Variants in LEPR observed in about 807,000 individuals in gnomAD.
LEPR encodes OB receptor.
In LEPR, 56 loss-of-function variants were observed where a neutral mutation model predicts 114.7. That is an observed-to-expected ratio of 0.49 (90% confidence interval 0.39 to 0.61). The LOEUF (loss-of-function observed/expected upper bound fraction) is 0.61. LEPR is among the 20% of genes least tolerant of loss of function. LEPR has a pLI of 0.00. For synonymous variants in LEPR, 443 were observed against 461.4 expected, an observed-to-expected ratio of 0.96 and a Z score of 0.51; for missense variants, 1,202 against 1,352.9, an observed-to-expected ratio of 0.89 and a Z score of 1.75.
chr1:65,532,975 A>G (rs1650507895), intron 2 of LEPR, among the ~76,000 whole-genome samples: 1 of 152,222 alleles, frequency 6.6e-6, no homozygotes, highest in South Asian at 2.1e-4. Flanking sequence ...AAAAGAGTGA[A>G]CTTTATGATA....
At chr1:65,525,023 G>T (rs1649828579) in intron 2 of LEPR, among the ~76,000 whole-genome samples, 2 of 152,168 alleles carry the variant, frequency 1.3e-5, no homozygotes, top group South Asian at 4.1e-4. Flanking sequence ...TGAATTTCAG[G>T]ATTGAAAGAG....
At chr1:65,526,395 T>C (rs1649975812) in intron 2 of LEPR, 1 of 985,214 alleles carries the variant, frequency 1.0e-6, no homozygotes, top group African/African-American at 1.7e-5. Flanking sequence ...AGATTTGTAG[T>C]GGTGAGAAAA....
At chr1:65,515,979 T>C (rs1383192658) in intron 2 of LEPR, among the ~76,000 whole-genome samples, 1 of 152,266 alleles carries the variant, frequency 6.6e-6, no homozygotes, top group African/African-American at 2.4e-5. Context: ...ATTTCCTTTC[T>C]AAAATTTTAA....
chr1:65,501,603 G>A (rs931518911), intron 2 of LEPR, among the ~76,000 whole-genome samples: 9 of 151,860 alleles, frequency 5.9e-5, no homozygotes, highest in Non-Finnish European at 1.0e-4. Flanking sequence ...TAGGGGTTAG[G>A]ACTTGAACAC....
intron 5 of LEPR, among the ~76,000 whole-genome samples, chr1:65,572,652 A>G (rs1654283304): frequency 6.6e-6 from 1 of 152,074 alleles, no homozygotes; most frequent in Non-Finnish European, 1.5e-5. Flanking sequence ...GTTTAGGGTC[A>G]CGATTGTCAG....
In LEPR at chr1:65,633,002, C is replaced by A; in HGVS notation, c.2674-3189C>A. The A allele has an allele frequency of 1.6e-6, 1 of 644,076 alleles. No individual in the cohort carries two copies. Among genetic ancestry groups the A allele is most frequent in the South Asian group, 2.2e-5 (1 of 46,122 alleles). The allele number at this position is 644,076 out of a possible 1,614,324, so 39.9% of individuals were successfully genotyped here. On this transcript the variant is annotated intron_variant, in intron 19 of 19. Coordinates refer to ENST00000349533, the MANE Select transcript of LEPR (RefSeq NM_002303.6). This position sits in a 1 kb window ranked among gnomAD's most constrained non-coding sequence, Gnocchi z 4.1. ...AGCCACCTTAGTTCAAAATTTTGCC[C>A]TTTCCCAAAAGGATGCATTATTGTA...
chr1:65,574,774 AT>A (rs771546331), intron 5 of LEPR, among the ~76,000 whole-genome samples: 5 of 152,264 alleles, frequency 3.3e-5, no homozygotes, highest in African/African-American at 1.2e-4. Flanking sequence ...TAATAAAAAA[AT>A]AATATTGTCT....
At chr1:65,513,578 G>C (rs1254377318) in intron 2 of LEPR, among the ~76,000 whole-genome samples, 1 of 152,154 alleles carries the variant, frequency 6.6e-6, no homozygotes, top group East Asian at 1.9e-4. Flanking sequence ...GGCCTGGTGG[G>C]TTTTGCTGTC....
intron 2 of LEPR, among the ~76,000 whole-genome samples, chr1:65,468,052 T>G (rs569623861): frequency 6.6e-6 from 1 of 152,180 alleles, no homozygotes; most frequent in Admixed American, 6.5e-5. Flanking sequence ...GCACCCACTG[T>G]CCAACCAGTC....
At chr1:65,474,232 T>C (rs749927840) in intron 2 of LEPR, among the ~76,000 whole-genome samples, 72 of 152,338 alleles carry the variant, frequency 4.7e-4, no homozygotes, top group Non-Finnish European at 8.7e-4. Context: ...GTACATCTCC[T>C]GATATTGACA....
chr1:65,518,265 G>A (rs1194865724), intron 2 of LEPR, among the ~76,000 whole-genome samples: 2 of 152,136 alleles, frequency 1.3e-5, no homozygotes, highest in African/African-American at 4.8e-5. Context: ...CAAGAATCTT[G>A]TAGTTTTCCT....
intron 2 of LEPR, chr1:65,435,771 A>G: frequency 1.0e-6 from 1 of 981,402 alleles, no homozygotes; most frequent in Non-Finnish European, 1.2e-6. Flanking sequence ...TTAGTTCACA[A>G]CTGAGAAATA....
chr1:65,631,357 C>T (rs1658512495), intron 19 of LEPR, among the ~76,000 whole-genome samples: 1 of 152,074 alleles, frequency 6.6e-6, no homozygotes, highest in Non-Finnish European at 1.5e-5. Flanking sequence ...TTTTACGTGC[C>T]ATTTCTTCAC....
rs528346922 is a variant in LEPR at position 65,451,829 on chromosome 1, C to T, written c.-21+26451C>T. On this transcript the variant is annotated intron_variant, in intron 2 of 19. Transcript: ENST00000349533. ...ATTCTGTGAAGAAAGTCATTGGTAG[C>T]TTGATGGGTATGGCATTGAATCTGT... Among the ~76,000 whole-genome samples the T allele has an allele frequency of 6.6e-5, 10 of 152,058 alleles. No homozygotes were observed. In the South Asian group the frequency reaches 2.1e-3, roughly 32 times the overall value.
intron 5 of LEPR, among the ~76,000 whole-genome samples, chr1:65,583,700 C>A (rs527931158): frequency 6.6e-5 from 10 of 152,064 alleles, no homozygotes; most frequent in African/African-American, 2.2e-4. Flanking sequence ...CAGTGTCTGG[C>A]AGCCAGTAAA....
At chr1:65,498,003 G>C (rs1054131049) in intron 2 of LEPR, among the ~76,000 whole-genome samples, 1 of 152,130 alleles carries the variant, frequency 6.6e-6, no homozygotes, top group Non-Finnish European at 1.5e-5. Flanking sequence ...ATCTTAGTGC[G>C]TTACTGTCCC....
chr1:65,508,886 G>A (rs964198307), intron 2 of LEPR, among the ~76,000 whole-genome samples: 13 of 145,632 alleles, frequency 8.9e-5, no homozygotes, highest in African/African-American at 3.3e-4. Flanking sequence ...ATAGTTTTTG[G>A]TATACAGATC....
At position 65,564,989 on chromosome 1, in the gene LEPR, T is replaced by G. The variant is rs536794836; in HGVS notation, c.-20-557T>G. ...TAAGCCACCAGACTTTTAATTATTC[T>G]AACTCTCCAATATTACCTCATCTGC... On this transcript the variant is annotated intron_variant, in intron 2 of 19. Transcript: ENST00000349533. 2.0e-5 allele frequency among the ~76,000 whole-genome samples: 3 copies of G among 152,330 alleles called. No homozygotes were observed. The East Asian group carries it at 5.8e-4, about 29-fold the overall frequency.
intron 2 of LEPR, among the ~76,000 whole-genome samples, chr1:65,535,143 G>A (rs1650672474): frequency 6.6e-6 from 1 of 152,080 alleles, no homozygotes; most frequent in Non-Finnish European, 1.5e-5. Context: ...ATATGCATGT[G>A]TGTGCATGTG....
Sources: gnomAD v4.1 joint callset for allele counts (sites outside exome capture counted in the v4.1 genomes callset) on GRCh38, gnomAD v4.1.1 for gene constraint, Gnocchi (gnomAD v3.1) non-coding constraint, MANE v1.5 for transcripts, NCBI Gene and HGNC (gene_info 2026-07-23, HGNC 2026-07-21) for gene names.